MED14: variants seen among roughly 807,000 people sequenced by gnomAD.
The protein encoded by MED14 is mediator complex subunit 14.
In MED14, 8 loss-of-function variants were observed where a neutral mutation model predicts 109.0. The observed-to-expected ratio is 0.07, with a 90% CI of 0.04 to 0.13. The LOEUF is 0.13. Ranked by LOEUF, MED14 falls within the 10% of genes least tolerant of loss-of-function variation. The pLI is 1.00. For synonymous variants in MED14, 399 were observed against 408.7 expected (o/e 0.98, Z 0.29); for missense variants, 711 against 1,142.4 (o/e 0.62, Z 5.44).
intron 13 of MED14, among the ~76,000 whole-genome samples, chrX:40,695,861 G>T (rs1212652944): frequency 8.9e-6 from 1 of 112,014 alleles, no homozygotes; most frequent in Non-Finnish European, 1.9e-5. Context: ...TTTTAAAATA[G>T]TATCTTTTAA....
intron 10 of MED14, among the ~76,000 whole-genome samples, chrX:40,707,921 TGTTAAG>T (rs1931210438): frequency 8.9e-6 from 1 of 111,873 alleles, no homozygotes; most frequent in Admixed American, 9.5e-5. Flanking sequence ...TCAATAAAGC[TGTTAAG>T]AAAAAAAGAC....
chrX:40,662,292 A>G (rs1929312833), intron 26 of MED14, among the ~76,000 whole-genome samples: 1 of 111,179 alleles, frequency 9.0e-6, no homozygotes, highest in Admixed American at 9.6e-5. Context: ...GTGCAGCAGC[A>G]TGATCACAGC....
At chrX:40,682,516 C>T in intron 18 of MED14, 87 bp downstream of exon 18, 1 of 776,257 alleles carries the variant, frequency 1.3e-6, no homozygotes, top group Non-Finnish European at 1.8e-6. Context: ...TTGCTTGGAA[C>T]ACTGTGCATG....
intron 1 of MED14, among the ~76,000 whole-genome samples, chrX:40,729,899 A>C (rs911620422): frequency 8.9e-6 from 1 of 112,421 alleles, no homozygotes; most frequent in African/African-American, 3.2e-5. Flanking sequence ...CAGGATTTTT[A>C]AGTTTCTTTT....
At chrX:40,692,080 A>C in intron 15 of MED14, 103 bp downstream of exon 15, 1 of 778,263 alleles carries the variant, frequency 1.3e-6, no homozygotes, top group Non-Finnish European at 1.8e-6. Flanking sequence ...ACAGGATCAC[A>C]AACATTCTGC....
chrX:40,706,682 A>G (rs994075712), intron 10 of MED14, among the ~76,000 whole-genome samples: 1 of 111,785 alleles, frequency 8.9e-6, no homozygotes, highest in Non-Finnish European at 1.9e-5. Context: ...AATCTTCAGA[A>G]CCTAGGTGAA....
At chrX:40,658,099 T>TTG (rs1299795318) in intron 28 of MED14, among the ~76,000 whole-genome samples, 3 of 101,771 alleles carry the variant, frequency 2.9e-5, no homozygotes, top group Non-Finnish European at 6.0e-5. Context: ...CGGCCTTTTT[T>TTG]TGTGTGTGTG....
chrX:40,718,839 TTAAAA>T (rs1176949443), intron 3 of MED14, among the ~76,000 whole-genome samples: 1 of 111,198 alleles, frequency 9.0e-6, no homozygotes, highest in Non-Finnish European at 1.9e-5. Context: ...ACTTCATGTC[TTAAAA>T]TAAATAAATA....
At chrX:40,733,622 C>G (rs769308963) in intron 1 of MED14, among the ~76,000 whole-genome samples, 2 of 111,858 alleles carry the variant, frequency 1.8e-5, no homozygotes, top group South Asian at 7.5e-4. Flanking sequence ...TGGTCAGACT[C>G]TGAAGTCAAA....
At chrX:40,685,596 G>A (rs943166452) in intron 16 of MED14, among the ~76,000 whole-genome samples, 5 of 112,131 alleles carry the variant, frequency 4.5e-5, no homozygotes, top group Non-Finnish European at 7.5e-5. Flanking sequence ...TGAGTTCAAC[G>A]AGAAGGTGGG....
rs1054085676 is a variant in MED14 at position 40,664,102 on chromosome X, C to A, written c.3448+205G>T. Among the ~76,000 whole-genome samples, 3 of 110,627 alleles carry A rather than the reference C, an allele frequency of 2.7e-5. No homozygotes were observed. In the Admixed American group the frequency reaches 2.9e-4, roughly 11 times the overall value. Reference sequence around the variant, plus strand: ...ACCCAAAAGGACAGAGTTTGGAGAACTTCCAGATAGGCAAACATGTGAAGG... The same window carrying A: ...ACCCAAAAGGACAGAGTTTGGAGAAATTCCAGATAGGCAAACATGTGAAGG... On this transcript the variant is annotated intron_variant, in intron 25 of 30. Coordinates refer to ENST00000324817, the MANE Select transcript of MED14 (RefSeq NM_004229.4).
intron 1 of MED14, among the ~76,000 whole-genome samples, chrX:40,732,386 G>A (rs1377131658): frequency 9.0e-6 from 1 of 111,572 alleles, no homozygotes; most frequent in Non-Finnish European, 1.9e-5. Context: ...AGGTGTGGTG[G>A]TGCATGCCTG....
intron 26 of MED14, 64 bp downstream of exon 26, chrX:40,662,861 T>G (rs1310224348): frequency 2.3e-6 from 2 of 860,711 alleles, no homozygotes; most frequent in Non-Finnish European, 3.3e-6. Flanking sequence ...GATCCTATCC[T>G]GCAGGACAAT....
At chrX:40,680,943 G>T in intron 19 of MED14, 33 bp from the exon 20 acceptor site, 1 of 964,750 alleles carries the variant, frequency 1.0e-6, no homozygotes, top group Non-Finnish European at 1.4e-6. Context: ...TTCAGAAACT[G>T]AGAAAGTAAC....
At chrX:40,730,626 C>T (rs934329452) in intron 1 of MED14, among the ~76,000 whole-genome samples, 2 of 111,516 alleles carry the variant, frequency 1.8e-5, no homozygotes, top group African/African-American at 6.5e-5. Context: ...AGTTCAGGGA[C>T]AAAAGACAGG....
intron 19 of MED14, 57 bp from the exon 20 acceptor site, chrX:40,680,967 A>AG: frequency 2.3e-6 from 2 of 861,561 alleles, no homozygotes; most frequent in Non-Finnish European, 3.2e-6. Context: ...TTCAAGTAGG[A>AG]GAAAAAAAAA....
chrX:40,683,389 G>A (rs1930190822), intron 16 of MED14, among the ~76,000 whole-genome samples: 2 of 111,669 alleles, frequency 1.8e-5, no homozygotes, highest in Non-Finnish European at 3.8e-5. Context: ...TAAGGGCCTT[G>A]GAGTCAGAGA....
chrX:40,726,374 G>GA (rs549414993), intron 3 of MED14: 1,276 of 84,605 alleles, frequency 0.015, 3 homozygotes, highest in Middle Eastern at 0.033. Flanking sequence ...TGTAAAACTG[G>GA]AAAAAAAAAA....
In MED14 at chrX:40,650,851, T is replaced by C. The variant is rs1928842230; in HGVS notation, c.*955A>G. 2.7e-6 allele frequency: 2 copies of C among 750,671 alleles called. No individual in the cohort carries two copies. Among genetic ancestry groups the C allele is most frequent in the Non-Finnish European group, 3.1e-6 (2 of 636,983 alleles). The allele number at this position is 750,671 out of a possible 1,213,427, so 61.9% of individuals were successfully genotyped here. ...ATAAAGAAAGCTCACAGAAACTTCA[T>C]GCAGAGGTACAGCATTAAAGTTCTT... On this transcript the variant is annotated 3_prime_UTR_variant, in exon 31 of 31. Coordinates refer to ENST00000324817, the MANE Select transcript of MED14 (RefSeq NM_004229.4).
Sources: allele counts gnomAD v4.1 joint callset (sites outside exome capture counted in the v4.1 genomes callset), GRCh38; gene constraint gnomAD v4.1.1; transcripts MANE v1.5; gene names NCBI Gene and HGNC (gene_info 2026-07-23, HGNC 2026-07-21).